TBC1D24: variants seen among roughly 807,000 people sequenced by gnomAD.
TBC1D24 encodes TBC1 domain family member 24, also known as Infantile myoclonic epilepsy.
Under a neutral mutation model 50.7 loss-of-function variants are expected in TBC1D24, and 47 were observed. The ratio of observed to expected loss-of-function variants is 0.93; its 90% CI spans 0.73 to 1.18. The LOEUF is 1.18. TBC1D24 is among the 50% of genes most tolerant of loss of function. The pLI, the probability that TBC1D24 is intolerant of heterozygous loss-of-function variation, is 0.00. For synonymous variants in TBC1D24, 324 were observed against 335.2 expected, an observed-to-expected ratio of 0.97 and a Z score of 0.36; for missense variants, 688 against 766.5, an observed-to-expected ratio of 0.90 and a Z score of 1.21.
Position 2,496,727 on chromosome 16 carries a change from G to T in TBC1D24, c.579G>T (p.Ala193=), listed in dbSNP as rs1394269760. The T allele has an allele frequency of 6.2e-7, 1 of 1,613,776 alleles. No homozygotes were observed. ...FGDLVNKYCQ[A]AHKLMVAVSE... ...ACCTGGTGAACAAGTACTGCCAGGC[G>T]GCCCACAAGCTGATGGTGGCCGTGT... Residue 193 remains alanine, a synonymous_variant, in exon 2 of 8, where the codon GCG becomes GCT. Transcript: ENST00000646147.
At chr16:2,495,034 A>AC (rs59089732) in intron 1 of TBC1D24, among the ~76,000 whole-genome samples, 8 of 151,282 alleles carry the variant, frequency 5.3e-5, no homozygotes, top group African/African-American at 2.0e-4. Flanking sequence ...ACACACACAC[A>AC]AAATAAATAA....
Position 2,501,016 on chromosome 16 carries a change from G to T in TBC1D24, c.*58G>T. 6.3e-7 allele frequency: 1 copy of T among 1,594,582 alleles called. No homozygotes were observed. The highest frequency in any genetic ancestry group is 8.5e-7 in the Non-Finnish European group (1 of 1,175,582). ...GGCGGTGGGCCGAGGCTGGGCTGCCGCCTCGGGCAGCAGAGAGCAGATGAA... is the reference window on the plus strand; with the variant it reads ...GGCGGTGGGCCGAGGCTGGGCTGCCTCCTCGGGCAGCAGAGAGCAGATGAA... On this transcript the variant is annotated 3_prime_UTR_variant, in exon 8 of 8. Coordinates refer to ENST00000646147, the MANE Select transcript of TBC1D24 (RefSeq NM_001199107.2).
Position 2,486,392 on chromosome 16 carries a change from G to T in TBC1D24, c.-115-9642G>T, listed in dbSNP as rs1481837464. 6.6e-6 allele frequency among the ~76,000 whole-genome samples: 1 copy of T among 152,238 alleles called. No homozygotes were observed. Among genetic ancestry groups the T allele is most frequent in the African/African-American group, 2.4e-5 (1 of 41,452 alleles). Reference sequence around the variant, plus strand: ...CAGATGGGAAGAAGTGAGACGAGCGGCAGCTGACGCCCATGCCCTGTTCTG... The same window carrying T: ...CAGATGGGAAGAAGTGAGACGAGCGTCAGCTGACGCCCATGCCCTGTTCTG... On this transcript the variant is annotated intron_variant, in intron 1 of 7. Transcript: ENST00000646147. The surrounding 1 kb of genome is among the most constrained non-coding windows in gnomAD (Gnocchi z 5.8).
In TBC1D24 at chr16:2,485,852, A is replaced by G. The variant is rs1406024971; in HGVS notation, c.-115-10182A>G. On this transcript the variant is annotated intron_variant, in intron 1 of 7. Coordinates refer to ENST00000646147, the MANE Select transcript of TBC1D24 (RefSeq NM_001199107.2). This position sits in a 1 kb window ranked among gnomAD's most constrained non-coding sequence, Gnocchi z 4.6. ...AAACGTGGTATGAGAGTTTTTCCAAAGAGTCCAGACACGCTTCCAGGCCCT... is the reference window on the plus strand; with the variant it reads ...AAACGTGGTATGAGAGTTTTTCCAAGGAGTCCAGACACGCTTCCAGGCCCT... Among the ~76,000 whole-genome samples, 1 of 152,186 alleles carries G rather than the reference A, an allele frequency of 6.6e-6. No homozygotes were observed. The highest frequency in any genetic ancestry group is 1.5e-5 in the Non-Finnish European group (1 of 68,034).
chr16:2,497,745 T>C lies in TBC1D24; in HGVS notation c.983+18T>C. On this transcript the variant is annotated intron_variant, in intron 3 of 7. Transcript: ENST00000646147. ...TCTAAAAGGTAGGTCTGAAACTGTA[T>C]CTGCACACCTGGCCTCTGTCTTTCC... The C allele has an allele frequency of 6.5e-7, 1 of 1,535,938 alleles. No individual in the cohort carries two copies. The highest frequency in any genetic ancestry group is 8.7e-7 in the Non-Finnish European group (1 of 1,146,694).
Position 2,500,358 on chromosome 16 carries a change from G to A in TBC1D24, c.1393G>A (p.Ala465Thr), listed in dbSNP as rs745535369. The A allele has an allele frequency of 2.4e-5, 39 of 1,608,830 alleles. No homozygotes were observed. The highest frequency in any genetic ancestry group is 2.2e-4 in the South Asian group (20 of 90,128). ...PPPLMAAEPT[A>T]PLSHSASSDP... The stretch of plus-strand genomic sequence containing the variant: ...ACCCTTGATGGCTGCCGAGCCCACC[G>A]CCCCACTCAGCCACTCCGCCTCCTC... Residue 465 changes from alanine (A) to threonine (T), a missense_variant, in exon 7 of 8, where the codon GCC (alanine) becomes ACC (threonine). Physicochemically the swap from Ala to Thr is moderately conservative, Grantham distance 58 (BLOSUM62 0). Transcript: ENST00000646147. The surrounding 1 kb of genome is among the most constrained non-coding windows in gnomAD (Gnocchi z 8.0).
At position 2,500,055 on chromosome 16, in the gene TBC1D24, C is replaced by A. The variant is rs770610318; in HGVS notation, c.1302+125C>A. On this transcript the variant is annotated intron_variant, in intron 6 of 7. Transcript: ENST00000646147. This position sits in a 1 kb window ranked among gnomAD's most constrained non-coding sequence, Gnocchi z 8.0. ...TGGCAGTCACCCAGCAGCGTCATCGCCCTGTGTGCTTCCGGGTTTGATCAT... is the reference window on the plus strand; with the variant it reads ...TGGCAGTCACCCAGCAGCGTCATCGACCTGTGTGCTTCCGGGTTTGATCAT... The A allele has an allele frequency of 4.7e-5, 47 of 1,006,302 alleles. No homozygotes were observed. Among genetic ancestry groups the A allele is most frequent in the Non-Finnish European group, 7.4e-5 (47 of 634,582 alleles). The allele number at this position is 1,006,302 out of a possible 1,614,324, so 62.3% of individuals were successfully genotyped here.
At position 2,500,361 on chromosome 16, in the gene TBC1D24, C is replaced by T. The variant is rs1413399353; in HGVS notation, c.1396C>T (p.Pro466Ser). Residue 466 changes from proline to serine, a missense_variant, in exon 7 of 8, where the codon CCA (proline) becomes TCA (serine). Coordinates refer to ENST00000646147, the MANE Select transcript of TBC1D24 (RefSeq NM_001199107.2). The surrounding 1 kb of genome is among the most constrained non-coding windows in gnomAD (Gnocchi z 8.0). ...CTTGATGGCTGCCGAGCCCACCGCC[C>T]CACTCAGCCACTCCGCCTCCTCAGA... ...PPLMAAEPTA[P>S]LSHSASSDPA... The T allele has an allele frequency of 6.2e-7, 1 of 1,608,864 alleles. No individual in the cohort carries two copies. Among genetic ancestry groups the T allele is most frequent in the East Asian group, 2.2e-5 (1 of 44,634 alleles).
rs1199576057 is a variant in TBC1D24, at chr16:2,496,498, T to A, written c.350T>A (p.Ile117Asn). The change falls in exon 2 of 8, where the codon ATC (isoleucine) becomes AAC (asparagine). Residue 117 changes from isoleucine (I) to asparagine (N), a missense_variant. Transcript: ENST00000646147. The stretch of plus-strand genomic sequence containing the variant: ...CGCGGCGAGGGGGCCGTGCGCAAGA[T>A]CCTCCTGTGCCTGGCCAACCAGTTC... Reference protein sequence around the residue: ...NARGEGAVRKILLCLANQFPD... With the variant: ...NARGEGAVRKNLLCLANQFPD... 5.6e-6 allele frequency: 9 copies of A among 1,609,592 alleles called. No homozygotes were observed. Among genetic ancestry groups the A allele is most frequent in the African/African-American group, 1.3e-5 (1 of 74,922 alleles).
rs965502475 is a variant in TBC1D24, at chr16:2,499,245, G to A, written c.1143-112G>A. The A allele has an allele frequency of 2.1e-6, 2 of 958,284 alleles. No individual in the cohort carries two copies. Among genetic ancestry groups the A allele is most frequent in the Non-Finnish European group, 3.3e-6 (2 of 607,428 alleles). 59.4% of individuals were successfully genotyped at this position (958,284 alleles called of 1,614,324 possible). A position where few individuals can be genotyped will look rare whatever the true frequency, so the allele number is the denominator to read the frequency against. ...GGGTGTTGTCGGGACCCAGAGAGAAGGAAGCACAGTTCCCAGGTCTTCGCC... is the reference window on the plus strand; with the variant it reads ...GGGTGTTGTCGGGACCCAGAGAGAAAGAAGCACAGTTCCCAGGTCTTCGCC... On this transcript the variant is annotated intron_variant, in intron 4 of 7. Coordinates refer to ENST00000646147, the MANE Select transcript of TBC1D24 (RefSeq NM_001199107.2). The surrounding 1 kb of genome is among the most constrained non-coding windows in gnomAD (Gnocchi z 4.0).
At chr16:2,476,360 C>G (rs1015525686) in intron 1 of TBC1D24, among the ~76,000 whole-genome samples, 1 of 152,126 alleles carries the variant, frequency 6.6e-6, no homozygotes, top group African/African-American at 2.4e-5. Context: ...TCAGTTGCGG[C>G]GAAGACAAGC....
chr16:2,495,924 C>A (rs574860046), intron 1 of TBC1D24, 110 bp from the exon 2 acceptor site: 29 of 562,356 alleles, frequency 5.2e-5, no homozygotes, highest in African/African-American at 4.0e-4. Context: ...GGCAACAGAG[C>A]GAGACCCTGT....
At chr16:2,492,726 CA>C (rs1470686794) in intron 1 of TBC1D24, among the ~76,000 whole-genome samples, 1 of 152,210 alleles carries the variant, frequency 6.6e-6, no homozygotes, top group Non-Finnish European at 1.5e-5. Flanking sequence ...CAGGACGAAG[CA>C]AACCAATCAA....
rs1364571841 is a variant in TBC1D24, at chr16:2,504,199, A to T, written c.*3241A>T. On this transcript the variant is annotated 3_prime_UTR_variant, in exon 8 of 8. Coordinates refer to ENST00000646147, the MANE Select transcript of TBC1D24 (RefSeq NM_001199107.2). ...CATATTTCTCTTATCCACTTTCTGA[A>T]CCCATAAAGCCTTTGCAGTCTCCTT... The T allele has an allele frequency of 1.3e-5, 2 of 152,070 alleles. No homozygotes were observed. Among genetic ancestry groups the T allele is most frequent in the Non-Finnish European group, 2.9e-5 (2 of 68,032 alleles). 9.4% of individuals were successfully genotyped at this position (152,070 alleles called of 1,614,324 possible). A position where few individuals can be genotyped will look rare whatever the true frequency, so the allele number is the denominator to read the frequency against.
At chr16:2,488,993 C>A (rs1468752747) in intron 1 of TBC1D24, among the ~76,000 whole-genome samples, 6 of 149,840 alleles carry the variant, frequency 4.0e-5, no homozygotes, top group African/African-American at 1.5e-4. Context: ...TCACTTGAAC[C>A]CGGGAGGCAG....
At chr16:2,494,810 G>A (rs982713448) in intron 1 of TBC1D24, among the ~76,000 whole-genome samples, 1 of 152,110 alleles carries the variant, frequency 6.6e-6, no homozygotes, top group East Asian at 1.9e-4. Context: ...TGAAAAGAAG[G>A]TATACTCCAA....
intron 4 of TBC1D24, 49 bp downstream of exon 4, chr16:2,498,445 G>T (rs1027515951): frequency 6.5e-6 from 10 of 1,546,024 alleles, no homozygotes; most frequent in Non-Finnish European, 7.9e-6. Context: ...CCAGCCACGT[G>T]TCCTGCCCAC....
intron 2 of TBC1D24, 26 bp from the exon 3 acceptor site, chr16:2,497,684 G>A (rs757916026): frequency 4.6e-6 from 7 of 1,535,734 alleles, no homozygotes; most frequent in Non-Finnish European, 6.1e-6. Context: ...TCTTCTCCAT[G>A]TCCGTTGCTT....
chr16:2,504,641 G>C lies in TBC1D24; in HGVS notation c.*3683G>C, dbSNP rs543412766. The C allele has an allele frequency of 1.3e-5, 2 of 152,094 alleles. No homozygotes were observed. The highest frequency in any genetic ancestry group is 2.1e-4 in the South Asian group (1 of 4,812). The allele number at this position is 152,094 out of a possible 1,614,324, so 9.4% of individuals were successfully genotyped here. A position where few individuals can be genotyped will look rare whatever the true frequency, so the allele number is the denominator to read the frequency against. Reference sequence around the variant, plus strand: ...TCACCGTGTTAGCCAGGATGGTCTTGATCTCCTGACCTCGTGATCTGCCCT... The same window carrying C: ...TCACCGTGTTAGCCAGGATGGTCTTCATCTCCTGACCTCGTGATCTGCCCT... On this transcript the variant is annotated 3_prime_UTR_variant, in exon 8 of 8. Transcript: ENST00000646147.
Sources: allele counts gnomAD v4.1 joint callset (sites outside exome capture counted in the v4.1 genomes callset), GRCh38; gene constraint gnomAD v4.1.1; non-coding constraint Gnocchi (gnomAD v3.1); transcripts MANE v1.5; gene names NCBI Gene and HGNC (gene_info 2026-07-23, HGNC 2026-07-21).